Variants in HEATR5B observed in about 807,000 individuals in gnomAD.
The protein encoded by HEATR5B is HEAT repeat-containing protein 5B.
Under a neutral mutation model 224.1 loss-of-function variants are expected in HEATR5B, and 156 were observed. The observed-to-expected ratio is 0.70, with a 90% confidence interval of 0.61 to 0.80. The LOEUF is 0.80. Ranked by LOEUF, HEATR5B falls within the 30% of genes least tolerant of loss-of-function variation. The pLI is 0.00. For synonymous variants in HEATR5B, 1,027 were observed against 893.0 expected, an observed-to-expected ratio of 1.15 and a Z score of -2.68; for missense variants, 2,323 against 2,535.5, an observed-to-expected ratio of 0.92 and a Z score of 1.80.
chr2:37,021,329 C>A (rs1450299872), intron 24 of HEATR5B, among the ~76,000 whole-genome samples: 1 of 152,132 alleles, frequency 6.6e-6, no homozygotes, highest in African/African-American at 2.4e-5. Context: ...AAGCCAGGTT[C>A]CCACAATGAT....
At chr2:37,039,948 C>G (rs1453460900) in intron 20 of HEATR5B, among the ~76,000 whole-genome samples, 2 of 152,088 alleles carry the variant, frequency 1.3e-5, no homozygotes, top group African/African-American at 4.8e-5. Context: ...TACCTTATGA[C>G]AGTGGTTTTT....
intron 27 of HEATR5B, among the ~76,000 whole-genome samples, chr2:37,011,249 T>A (rs1355489807): frequency 6.6e-6 from 1 of 152,000 alleles, no homozygotes; most frequent in Non-Finnish European, 1.5e-5. Context: ...TAGGCAGAGA[T>A]GGAAAGGGAG....
intron 33 of HEATR5B, among the ~76,000 whole-genome samples, chr2:36,999,496 G>T (rs1666946577): frequency 6.6e-6 from 1 of 151,852 alleles, no homozygotes; most frequent in African/African-American, 2.4e-5. Context: ...TGGCCAACAT[G>T]GTGAAACCCC....
chr2:36,993,430 G>A (rs1666470461), intron 33 of HEATR5B, among the ~76,000 whole-genome samples: 1 of 151,950 alleles, frequency 6.6e-6, no homozygotes, highest in African/African-American at 2.4e-5. Flanking sequence ...CCAGCTACTT[G>A]GGAGGCTGAG....
intron 35 of HEATR5B, 42 bp downstream of exon 35, chr2:36,988,604 T>C (rs1283718113): frequency 3.4e-6 from 5 of 1,489,054 alleles, no homozygotes; most frequent in Non-Finnish European, 4.7e-6. Context: ...ACAATACAGA[T>C]CTTCATTCTG....
At chr2:37,032,884 G>GTTT (rs5830450) in intron 21 of HEATR5B, 111 bp from the exon 22 acceptor site, 456 of 701,822 alleles carry the variant, frequency 6.5e-4, no homozygotes, top group African/African-American at 9.9e-4. Context: ...GTTTTGTTTT[G>GTTT]TTTTTTTTTT....
intron 30 of HEATR5B, 26 bp downstream of exon 30, chr2:37,005,606 G>A (rs764157431): frequency 1.9e-6 from 3 of 1,601,658 alleles, no homozygotes; most frequent in South Asian, 1.1e-5. Context: ...AACCACACAA[G>A]TATCTATCAT....
At chr2:37,025,725 G>A (rs1235761157) in intron 24 of HEATR5B, among the ~76,000 whole-genome samples, 1 of 152,098 alleles carries the variant, frequency 6.6e-6, no homozygotes, top group East Asian at 1.9e-4. Flanking sequence ...GACACAATGA[G>A]GAAGAAAAAT....
At chr2:36,992,453 T>G (rs2706810) in intron 33 of HEATR5B, among the ~76,000 whole-genome samples, 2 of 151,618 alleles carry the variant, frequency 1.3e-5, no homozygotes, top group African/African-American at 4.8e-5. Flanking sequence ...TGGTGGTGCA[T>G]GCCTGCAGTC....
At chr2:37,065,723 AAC>A in intron 9 of HEATR5B, 30 bp downstream of exon 9, 1 of 1,581,344 alleles carries the variant, frequency 6.3e-7, no homozygotes, top group Non-Finnish European at 8.6e-7. Context: ...AAAAAGTGGA[AAC>A]ACATACTAGC....
At chr2:37,080,872 T>C (rs965801367) in intron 2 of HEATR5B, among the ~76,000 whole-genome samples, 4 of 152,024 alleles carry the variant, frequency 2.6e-5, no homozygotes, top group African/African-American at 9.7e-5. Flanking sequence ...TAACAGCGTC[T>C]TGGGAAGCCA....
At chr2:37,071,553 C>T (rs1671907788) in intron 6 of HEATR5B, among the ~76,000 whole-genome samples, 1 of 152,062 alleles carries the variant, frequency 6.6e-6, no homozygotes, top group African/African-American at 2.4e-5. Context: ...GATTCCAGTA[C>T]CTTATACATT....
chr2:37,048,980 G>A (rs1325943476), intron 18 of HEATR5B, among the ~76,000 whole-genome samples: 10 of 152,156 alleles, frequency 6.6e-5, no homozygotes, highest in Non-Finnish European at 1.3e-4. Flanking sequence ...TGATAGCTAA[G>A]AATGATATAA....
chr2:37,003,357 G>C (rs1667211493), intron 31 of HEATR5B, among the ~76,000 whole-genome samples, 185 bp downstream of exon 31: 1 of 150,080 alleles, frequency 6.7e-6, no homozygotes, highest in South Asian at 2.1e-4. Context: ...AGGATCCTAA[G>C]CCCAGGAGTT....
At chr2:36,996,180 C>T (rs930560783) in intron 33 of HEATR5B, among the ~76,000 whole-genome samples, 1 of 151,882 alleles carries the variant, frequency 6.6e-6, no homozygotes, top group East Asian at 1.9e-4. Context: ...TCTGCCTCAG[C>T]CTCCTGAGTA....
chr2:37,020,687 C>T lies in HEATR5B; in HGVS notation c.4003G>A (p.Gly1335Ser). 6.3e-7 allele frequency: 1 copy of T among 1,591,142 alleles called. No individual in the cohort carries two copies. Among genetic ancestry groups the T allele is most frequent in the Non-Finnish European group, 8.5e-7 (1 of 1,174,546 alleles). ...FASVPEPEFP[G>S]HVILEQYQAN... ...TGATACTGCTCCAGTATCACATGAC[C>T]TGGAAATTCTGGCTCAGGCACAGAC... The change falls in exon 25 of 36, where the codon GGT becomes AGT. Residue 1335 changes from glycine (G) to serine (S), a missense_variant. By Grantham distance (56) the Gly-to-Ser change is moderately conservative (BLOSUM62 0). This residue lies in a region of HEATR5B where 339 missense variants were observed against 378.4 expected (regional missense o/e 0.90). Transcript: ENST00000233099.
rs1242730350 is a variant in HEATR5B at position 37,057,469 on chromosome 2, C to T, written c.2071G>A (p.Ala691Thr). Reference protein sequence around the residue: ...PPKTYEGSFNALLRELVAEFT... With the variant: ...PPKTYEGSFNTLLRELVAEFT... ...TCCGCTACCAGTTCTCTAAGAAGTG[C>T]ATTAAAAGATCCTAAAAAACAGAAC... Residue 691 changes from alanine (A) to threonine (T), a missense_variant, in exon 15 of 36, where the codon GCA (alanine) becomes ACA (threonine). By Grantham distance (58) the Ala-to-Thr change is moderately conservative. Transcript: ENST00000233099. The T allele has an allele frequency of 2.5e-6, 4 of 1,599,940 alleles. No homozygotes were observed. The highest frequency in any genetic ancestry group is 2.3e-5 in the South Asian group (2 of 87,630).
At chr2:37,015,090 C>T (rs1406094503) in intron 26 of HEATR5B, among the ~76,000 whole-genome samples, 1 of 152,056 alleles carries the variant, frequency 6.6e-6, no homozygotes, top group Non-Finnish European at 1.5e-5. Flanking sequence ...ATATGGGACA[C>T]TTAAAAACAG....
intron 17 of HEATR5B, among the ~76,000 whole-genome samples, chr2:37,052,111 GCATGACCTAAGA>G (rs1670593732): frequency 6.6e-6 from 1 of 152,102 alleles, no homozygotes; most frequent in Admixed American, 6.6e-5. Context: ...TATGACTTAA[GCATGACCTAAGA>G]CATGTTCATG....
Sources: allele counts gnomAD v4.1 joint callset (sites outside exome capture counted in the v4.1 genomes callset), GRCh38; gene constraint gnomAD v4.1.1; regional missense constraint gnomAD v4.1.1; transcripts MANE v1.5; gene names NCBI Gene and HGNC (gene_info 2026-07-23, HGNC 2026-07-21).